MFSD12: variants seen among roughly 807,000 people sequenced by gnomAD.
MFSD12 encodes the protein major facilitator superfamily domain containing 12, also known as major facilitator superfamily domain-containing protein 12.
Under a neutral mutation model 51.2 loss-of-function variants are expected in MFSD12, and 67 were observed. The observed-to-expected ratio is 1.31, with a 90% CI of 1.08 to 1.60. The LOEUF (loss-of-function observed/expected upper bound fraction) is 1.60, where lower values mean the gene tolerates loss of function less well. Among genes scored for constraint, MFSD12 ranks in the 40% most tolerant of loss-of-function variants. The probability of loss-of-function intolerance (pLI) is 0.00; values close to 1 mark genes in which losing one functional copy is unlikely to be tolerated. For missense variants in MFSD12, 921 were observed against 673.0 expected (o/e 1.37, Z -4.08); for synonymous variants, 441 against 316.7 (o/e 1.39, Z -4.17).
At chr19:3,541,617 A>G (rs7256261), downstream of MFSD12, 190,828 of 982,886 alleles carry the variant, frequency 0.19, 29,776 homozygotes, top group African/African-American at 0.77. Flanking sequence ...CACCGCACCC[A>G]GTGCAAGACC....
At position 3,557,244 on chromosome 19, in the gene MFSD12, T is replaced by C. The variant is rs1216400575; in HGVS notation, c.160A>G (p.Ser54Gly). ...LLYLHSVRAY[S>G]SRGAGLLLLL... ...AGCAGCAGCCCCGCGCCGCGGGAGC[T>C]GTAGGCGCGCACCGAGTGCAGGTAG... Residue 54 changes from serine (S) to glycine (G), a missense_variant, in exon 1 of 10, where the codon AGC becomes GGC. Transcript: ENST00000355415. The C allele has an allele frequency of 1.3e-6, 2 of 1,594,016 alleles. No individual in the cohort carries two copies. The highest frequency in any genetic ancestry group is 1.1e-5 in the South Asian group (1 of 87,988).
intron 8 of MFSD12, among the ~76,000 whole-genome samples, chr19:3,545,503 A>G (rs1469879725): frequency 6.6e-6 from 1 of 151,982 alleles, no homozygotes; most frequent in Non-Finnish European, 1.5e-5. Context: ...GTCCCTCCCC[A>G]TTGGCCTGGA....
chr19:3,546,158 G>C lies in MFSD12; in HGVS notation c.1205C>G (p.Ala402Gly), dbSNP rs371783113. 6 of 1,612,908 alleles carry C rather than the reference G, an allele frequency of 3.7e-6. No homozygotes were observed. In the African/African-American group the frequency reaches 8.0e-5, roughly 22 times the overall value. The change falls in exon 8 of 10, where the codon GCG (alanine) becomes GGG (glycine). Residue 402 changes from alanine to glycine, a missense_variant. Transcript: ENST00000355415. ...GAAGCTCATGGAGCCGTACACGAACGCTCCGCTGTTCTGTGGAGACACAGG... is the reference window on the plus strand; with the variant it reads ...GAAGCTCATGGAGCCGTACACGAACCCTCCGCTGTTCTGTGGAGACACAGG... ...DLIGPHTNSG[A>G]FVYGSMSFLD... is the part of the protein sequence containing the mutation.
chr19:3,555,804 A>G (rs1394823335), intron 1 of MFSD12, among the ~76,000 whole-genome samples: 1 of 152,188 alleles, frequency 6.6e-6, no homozygotes, highest in African/African-American at 2.4e-5. Flanking sequence ...CTGAAATGCC[A>G]CATGTGTCCC....
chr19:3,547,518 G>C lies in MFSD12; in HGVS notation c.867C>G (p.Leu289=). 6.2e-7 allele frequency: 1 copy of C among 1,612,648 alleles called. No individual in the cohort carries two copies. The highest frequency in any genetic ancestry group is 8.5e-7 in the Non-Finnish European group (1 of 1,179,732). Residue 289 remains leucine (L), a synonymous_variant, in exon 5 of 10, where the codon CTC becomes CTG. Coordinates refer to ENST00000355415, the MANE Select transcript of MFSD12 (RefSeq NM_174983.5). ...TGTAGGTCTGGGACAGGTTCACGAT[G>C]AGCCTGGTGGTCATGTACAGTATGC... The part of the protein sequence containing the change: ...QVGILYMTTR[L]IVNLSQTYMA...
At position 3,544,577 on chromosome 19, in the gene MFSD12, G is replaced by C; in HGVS notation, c.*133C>G. On this transcript the variant is annotated 3_prime_UTR_variant, in exon 10 of 10. Transcript: ENST00000355415. ...CTGCCCTCACCCGACCCCACCCCCG[G>C]GAGCTGGGTGAGGATGGAGGGTGGG... 1 of 1,460,868 alleles carries C rather than the reference G, an allele frequency of 6.8e-7. No individual in the cohort carries two copies. The highest frequency in any genetic ancestry group is 1.4e-5 in the South Asian group (1 of 69,878). 90.5% of individuals were successfully genotyped at this position (1,460,868 alleles called of 1,614,324 possible).
downstream of MFSD12, chr19:3,543,235 C>T (rs1017564496): frequency 1.6e-5 from 25 of 1,542,496 alleles, no homozygotes; most frequent in East Asian, 4.9e-5. Flanking sequence ...CCACCCTCAG[C>T]GATGACTACC....
chr19:3,542,920 A>C (rs1484971917), downstream of MFSD12: 10 of 1,440,556 alleles, frequency 6.9e-6, no homozygotes, highest in Non-Finnish European at 9.3e-6. Flanking sequence ...GACTGTAGGA[A>C]TCCAGGAGTA....
chr19:3,544,892 A>G lies in MFSD12; in HGVS notation c.1337T>C (p.Met446Thr), dbSNP rs759545499. Residue 446 changes from methionine (M) to threonine (T), a missense_variant, in exon 9 of 10, where the codon ATG becomes ACG. Transcript: ENST00000355415. ...RACVSFYHWA[M>T]VAVTGGVGVA... is the part of the protein sequence containing the mutation. ...GCCCACGCCGCCCGTCACAGCCACCATCGCCCAGTGGTAAAAGCTCACGCA... is the reference window on the plus strand; with the variant it reads ...GCCCACGCCGCCCGTCACAGCCACCGTCGCCCAGTGGTAAAAGCTCACGCA... 4 of 1,611,872 alleles carry G rather than the reference A, an allele frequency of 2.5e-6. No individual in the cohort carries two copies. The South Asian group carries it at 4.4e-5, about 18-fold the overall frequency.
In MFSD12 at chr19:3,546,162, C is replaced by A. The variant is rs201875345; in HGVS notation, c.1201G>T (p.Gly401Ter). 7.4e-6 allele frequency: 12 copies of A among 1,612,966 alleles called. No individual in the cohort carries two copies. The highest frequency in any genetic ancestry group is 1.0e-5 in the Non-Finnish European group (12 of 1,179,924). Residue 401 changes from glycine (G) to a stop codon, truncating the protein, a stop_gained, in exon 8 of 10, where the codon GGA becomes TGA. Transcript: ENST00000355415. LOFTEE classifies it high-confidence loss of function. ...ADLIGPHTNS[G>*]AFVYGSMSFL... ...CTCATGGAGCCGTACACGAACGCTC[C>A]GCTGTTCTGTGGAGACACAGGCGAG... is the stretch of plus-strand genomic sequence containing the variant.
In MFSD12 at chr19:3,547,159, G is replaced by A. The variant is rs1454365814; in HGVS notation, c.1023+113C>T. 4.3e-6 allele frequency: 4 copies of A among 929,096 alleles called. No individual in the cohort carries two copies. The African/African-American group carries it at 4.9e-5, about 11-fold the overall frequency. 57.6% of individuals were successfully genotyped at this position (929,096 alleles called of 1,614,324 possible). A position where few individuals can be genotyped will look rare whatever the true frequency, so the allele number is the denominator to read the frequency against. On this transcript the variant is annotated intron_variant, in intron 6 of 9. Coordinates refer to ENST00000355415, the MANE Select transcript of MFSD12 (RefSeq NM_174983.5). ...GGCCTAGATCTGGGGCTTCTACAAG[G>A]CGGGAACTCGGAGGCCTGAGAGCAT...
downstream of MFSD12, chr19:3,539,412 G>A: frequency 1.7e-6 from 1 of 599,740 alleles, no homozygotes; most frequent in South Asian, 1.9e-5. Flanking sequence ...AGCTCTTCCT[G>A]TTCCCCTCCG....
downstream of MFSD12, chr19:3,543,735 G>A (rs1395922232): frequency 6.7e-7 from 1 of 1,495,496 alleles, no homozygotes; most frequent in Admixed American, 2.2e-5. Context: ...AGGCCACCTA[G>A]GCCAGGGTGA....
downstream of MFSD12, chr19:3,543,769 C>A: frequency 6.7e-7 from 1 of 1,489,470 alleles, no homozygotes; most frequent in Non-Finnish European, 9.0e-7. Flanking sequence ...GATCCAGGAG[C>A]CCCTTGCTGG....
downstream of MFSD12, among the ~76,000 whole-genome samples, chr19:3,540,251 C>T (rs2030259869): frequency 6.7e-6 from 1 of 150,186 alleles, no homozygotes; most frequent in Non-Finnish European, 1.5e-5. Context: ...GTGCCACATG[C>T]CCAGCTAATT....
At chr19:3,545,594 G>A (rs979934206) in intron 8 of MFSD12, among the ~76,000 whole-genome samples, 2 of 152,238 alleles carry the variant, frequency 1.3e-5, no homozygotes, top group Non-Finnish European at 2.9e-5. Context: ...TGGCTGTCCA[G>A]GTTTCTCTGA....
At chr19:3,546,018 G>A in intron 8 of MFSD12, 56 bp downstream of exon 8, 1 of 1,571,748 alleles carries the variant, frequency 6.4e-7, no homozygotes, top group Non-Finnish European at 8.7e-7. Context: ...CACACAGCAG[G>A]CGCTTAATCC....
At chr19:3,543,885 C>A, downstream of MFSD12, 2 of 1,550,674 alleles carry the variant, frequency 1.3e-6, no homozygotes, top group Non-Finnish European at 1.7e-6. Context: ...AGACTACGTG[C>A]CCTCCCTGTC....
At position 3,547,533 on chromosome 19, in the gene MFSD12, G is replaced by GT. The variant is rs759646826; in HGVS notation, c.851dup (p.Tyr284Ter). The change falls in exon 5 of 10, where the codon TAC (tyrosine) becomes TAAC (stop). Residue 284 changes from tyrosine (Y) to a stop codon, truncating the protein, a stop_gained and frameshift_variant. Transcript: ENST00000355415. LOFTEE classifies it high-confidence loss of function. ...GGTTCACGATGAGCCTGGTGGTCAT[G>GT]TACAGTATGCCCACCTGTGGGCAGA... ...EPAFYQVGIL[Y>*]MTTRLIVNLS... The GT allele has an allele frequency of 6.2e-7, 1 of 1,611,412 alleles. No individual in the cohort carries two copies.
Sources: allele counts gnomAD v4.1 joint callset (sites outside exome capture counted in the v4.1 genomes callset), GRCh38; gene constraint gnomAD v4.1.1; transcripts MANE v1.5; gene names NCBI Gene and HGNC (gene_info 2026-07-23, HGNC 2026-07-21).